UBE4B: variants seen among roughly 807,000 people sequenced by gnomAD.
The protein encoded by UBE4B is ubiquitination factor E4B, also known as ubiquitin conjugation factor E4 B.
In UBE4B, 27 loss-of-function variants were observed where a neutral mutation model predicts 148.1. The observed-to-expected ratio is 0.18, with a 90% CI of 0.13 to 0.25. The LOEUF (loss-of-function observed/expected upper bound fraction) is 0.25. Among genes scored for constraint, UBE4B ranks in the 10% least tolerant of loss-of-function variants. The pLI, the probability that UBE4B is intolerant of heterozygous loss-of-function variation, is 1.00. For missense variants in UBE4B, 1,170 were observed against 1,662.4 expected (o/e 0.70, Z 5.15); for synonymous variants, 596 against 619.3 (o/e 0.96, Z 0.56).
intron 21 of UBE4B, 69 bp downstream of exon 21, chr1:10,151,630 C>G (rs960949563): frequency 8.1e-6 from 11 of 1,363,044 alleles, no homozygotes; most frequent in Non-Finnish European, 1.1e-5. Context: ...AGCTAGTGGA[C>G]GACGTTGCTC....
rs532457889 is a variant in UBE4B at position 10,150,936 on chromosome 1, C to T, written c.2691-390C>T. Among the ~76,000 whole-genome samples the T allele has an allele frequency of 4.0e-3, 594 of 149,344 alleles. 14 individuals are homozygous for T. The highest frequency in any genetic ancestry group is 0.022 in the East Asian group (111 of 5,078). Reference sequence around the variant, plus strand: ...CACCATTTTGGGAGGTCGAGGCGGGCGGATCACGAGGTCAGGAGATCGAGA... The same window carrying T: ...CACCATTTTGGGAGGTCGAGGCGGGTGGATCACGAGGTCAGGAGATCGAGA... On this transcript the variant is annotated intron_variant, in intron 20 of 27. Transcript: ENST00000343090.
intron 21 of UBE4B, among the ~76,000 whole-genome samples, chr1:10,151,950 G>A (rs1342691833): frequency 6.6e-6 from 1 of 152,056 alleles, no homozygotes; most frequent in Non-Finnish European, 1.5e-5. Context: ...GGTGAAACAG[G>A]GAGCTTGTTA....
intron 1 of UBE4B, among the ~76,000 whole-genome samples, chr1:10,059,888 C>T (rs1644252553): frequency 6.6e-6 from 1 of 152,162 alleles, no homozygotes; most frequent in African/African-American, 2.4e-5. Context: ...GGGAAGGCTT[C>T]TTCTACCCAG....
intron 5 of UBE4B, among the ~76,000 whole-genome samples, chr1:10,103,982 G>C (rs571101209): frequency 7.6e-4 from 115 of 151,930 alleles, no homozygotes; most frequent in African/African-American, 2.7e-3. Flanking sequence ...GGATGGTCTC[G>C]ATCTCTTGAC....
Position 10,102,993 on chromosome 1 carries a change from C to G in UBE4B, c.481C>G (p.Leu161Val). ...PEVSEEQALQ[L>V]VCKIFRVSWK... ...AGTGTCTGAAGAGCAGGCCTTACAGCTGGTCTGTAAGATCTTCCGTGTCTC... is the reference window on the plus strand; with the variant it reads ...AGTGTCTGAAGAGCAGGCCTTACAGGTGGTCTGTAAGATCTTCCGTGTCTC... The change falls in exon 5 of 28, where the codon CTG becomes GTG. Residue 161 changes from leucine to valine, a missense_variant. Transcript: ENST00000343090. 1 of 1,613,652 alleles carries G rather than the reference C, an allele frequency of 6.2e-7. No homozygotes were observed. The highest frequency in any genetic ancestry group is 1.1e-5 in the South Asian group (1 of 91,048).
intron 7 of UBE4B, chr1:10,107,484 T>C: frequency 1.7e-6 from 2 of 1,163,930 alleles, no homozygotes; most frequent in South Asian, 3.1e-5. Context: ...TAGGGTCAAA[T>C]GAGGTGGGCT....
intron 19 of UBE4B, among the ~76,000 whole-genome samples, 190 bp from the exon 20 acceptor site, chr1:10,148,994 A>G (rs1304058957): frequency 6.6e-6 from 1 of 152,174 alleles, no homozygotes; most frequent in Non-Finnish European, 1.5e-5. Flanking sequence ...ATACCCTTGC[A>G]TATGCACTGT....
chr1:10,043,171 G>C (rs768390480), intron 1 of UBE4B, among the ~76,000 whole-genome samples: 1 of 151,460 alleles, frequency 6.6e-6, no homozygotes, highest in Non-Finnish European at 1.5e-5. Context: ...CACCATGCCC[G>C]GCTAATTTTG....
rs146965071 is a variant in UBE4B, at chr1:10,161,283, C to A, written c.3195C>A (p.Pro1065=). ...MKNKEQWDQL[P]RDQQQARQSQ... is the part of the protein sequence containing the mutation. ...ACAAAGAACAGTGGGACCAGTTGCCCCGGGTGAGGACGTGGTCCAGAGGCT... is the reference window on the plus strand; with the variant it reads ...ACAAAGAACAGTGGGACCAGTTGCCACGGGTGAGGACGTGGTCCAGAGGCT... The change falls in exon 23 of 28, where the codon CCC becomes CCA. Residue 1065 remains proline, a synonymous_variant. Transcript: ENST00000343090. This position sits in a 1 kb window ranked among gnomAD's most constrained non-coding sequence, Gnocchi z 4.1. 31 of 1,613,898 alleles carry A rather than the reference C, an allele frequency of 1.9e-5. 1 individual carries two copies. In the Middle Eastern group the frequency reaches 5.0e-4, roughly 26 times the overall value.
intron 1 of UBE4B, among the ~76,000 whole-genome samples, chr1:10,061,143 C>G (rs1290540733): frequency 6.6e-6 from 1 of 152,120 alleles, no homozygotes; most frequent in East Asian, 1.9e-4. Flanking sequence ...CTACGGCATA[C>G]TTACTTGTAG....
chr1:10,102,938 T>G lies in UBE4B; in HGVS notation c.436-10T>G. 2 of 1,597,350 alleles carry G rather than the reference T, an allele frequency of 1.3e-6. No individual in the cohort carries two copies. Among genetic ancestry groups the G allele is most frequent in the Non-Finnish European group, 1.7e-6 (2 of 1,169,030 alleles). On this transcript the variant is annotated splice_polypyrimidine_tract_variant and intron_variant, in intron 4 of 27. Coordinates refer to ENST00000343090, the MANE Select transcript of UBE4B (RefSeq NM_001105562.3). ...TTTGAAATTAACCTGCAAATCTTCT[T>G]CTTCACCAGGAGCCTTCCTCGGGCC...
rs995917641 is a variant in UBE4B, at chr1:10,149,076, G to A, written c.2592-108G>A. The A allele has an allele frequency of 1.7e-5, 13 of 767,824 alleles. No homozygotes were observed. In the Admixed American group the frequency reaches 3.2e-4, roughly 19 times the overall value. The allele number at this position is 767,824 out of a possible 1,614,324, so 47.6% of individuals were successfully genotyped here. ...TATTTATTACATAGTATTACAGAAT[G>A]ATTTTCTTCCCCAAATGAAATACTT... is the stretch of plus-strand genomic sequence containing the variant. On this transcript the variant is annotated intron_variant, in intron 19 of 27. Coordinates refer to ENST00000343090, the MANE Select transcript of UBE4B (RefSeq NM_001105562.3).
intron 25 of UBE4B, among the ~76,000 whole-genome samples, chr1:10,176,439 C>G (rs559187674): frequency 3.3e-5 from 5 of 152,256 alleles, no homozygotes; most frequent in African/African-American, 1.2e-4. Flanking sequence ...CAGCTGCCGC[C>G]CATTTGACAT....
chr1:10,167,394 G>A (rs1571021454), intron 23 of UBE4B, among the ~76,000 whole-genome samples: 2 of 151,356 alleles, frequency 1.3e-5, no homozygotes, highest in Admixed American at 1.3e-4. Context: ...AGCCGAGATC[G>A]CGCCATTGCA....
Position 10,101,179 on chromosome 1 carries a change from G to C in UBE4B, c.419G>C (p.Arg140Pro). Residue 140 changes from arginine (R) to proline (P), a missense_variant, in exon 4 of 28, where the codon CGG becomes CCG. By Grantham distance (103) the Arg-to-Pro change is moderately radical. Transcript: ENST00000343090. ...GATGAAAATGATCGAAGAGAAAAGCGGAGCCTCAGTGATAAGGTTGGTAAG... is the reference window on the plus strand; with the variant it reads ...GATGAAAATGATCGAAGAGAAAAGCCGAGCCTCAGTGATAAGGTTGGTAAG... ...EVDENDRREK[R>P]SLSDKEPSSG... The C allele has an allele frequency of 6.2e-7, 1 of 1,614,114 alleles. No individual in the cohort carries two copies. Among genetic ancestry groups the C allele is most frequent in the Non-Finnish European group, 8.5e-7 (1 of 1,179,988 alleles).
At chr1:10,148,184 G>A (rs945093320) in intron 19 of UBE4B, among the ~76,000 whole-genome samples, 5 of 150,138 alleles carry the variant, frequency 3.3e-5, no homozygotes, top group South Asian at 2.1e-4. Flanking sequence ...CGGAGATCAC[G>A]TCTCTGCACT....
intron 1 of UBE4B, among the ~76,000 whole-genome samples, chr1:10,065,635 G>T (rs1029707609): frequency 4.6e-5 from 7 of 152,180 alleles, no homozygotes; most frequent in African/African-American, 9.6e-5. Context: ...ATTAGAGGCT[G>T]CTCTTTCACC....
At chr1:10,136,100 C>T (rs1188188485) in intron 16 of UBE4B, among the ~76,000 whole-genome samples, 1 of 151,966 alleles carries the variant, frequency 6.6e-6, no homozygotes, top group Non-Finnish European at 1.5e-5. Flanking sequence ...AATTTAATAC[C>T]ATTTCGAGAT....
rs562577224 is a variant in UBE4B at position 10,103,748 on chromosome 1, A to G, written c.580+656A>G. 1.0e-4 allele frequency among the ~76,000 whole-genome samples: 15 copies of G among 150,308 alleles called. 1 individual carries two copies. Among genetic ancestry groups the G allele is most frequent in the East Asian group, 7.8e-4 (4 of 5,122 alleles). On this transcript the variant is annotated intron_variant, in intron 5 of 27. Transcript: ENST00000343090. Reference sequence around the variant, plus strand: ...TGGGTTCAAGCAATTCTCCAGCCTCAGCCTCCCGAGTTGGGATTACAGGCA... The same window carrying G: ...TGGGTTCAAGCAATTCTCCAGCCTCGGCCTCCCGAGTTGGGATTACAGGCA...
Sources: allele counts gnomAD v4.1 joint callset (sites outside exome capture counted in the v4.1 genomes callset), GRCh38; gene constraint gnomAD v4.1.1; non-coding constraint Gnocchi (gnomAD v3.1); transcripts MANE v1.5; gene names NCBI Gene and HGNC (gene_info 2026-07-23, HGNC 2026-07-21).